Variants in RNF150 observed in about 807,000 individuals in gnomAD.
RNF150 encodes the protein ring finger protein 150.
RNF150 carries 24 observed loss-of-function variants against 39.3 expected under a neutral mutation model. The observed-to-expected ratio is 0.61, with a 90% CI of 0.44 to 0.86. The LOEUF (loss-of-function observed/expected upper bound fraction) is 0.86, where lower values mean the gene tolerates loss of function less well. RNF150 is among the 40% of genes least tolerant of loss of function. RNF150 has a pLI of 0.00. For synonymous variants in RNF150, 255 were observed against 227.3 expected, an observed-to-expected ratio of 1.12 and a Z score of -1.10; for missense variants, 502 against 587.8, an observed-to-expected ratio of 0.85 and a Z score of 1.51.
At chr4:140,893,507 G>A (rs923660276) in intron 6 of RNF150, among the ~76,000 whole-genome samples, 3 of 152,158 alleles carry the variant, frequency 2.0e-5, no homozygotes, top group East Asian at 3.8e-4. Context: ...ACTGAGCAGC[G>A]AGCTCAAGTG....
intron 1 of RNF150, among the ~76,000 whole-genome samples, chr4:141,089,582 C>A (rs1037398900): frequency 6.6e-6 from 1 of 152,190 alleles, no homozygotes; most frequent in African/African-American, 2.4e-5. Context: ...TAACTCACTG[C>A]ATTTCTGACC....
intron 1 of RNF150, among the ~76,000 whole-genome samples, chr4:141,142,151 G>T (rs576671474): frequency 6.6e-6 from 1 of 152,114 alleles, no homozygotes; most frequent in East Asian, 1.9e-4. Context: ...TCTTAGCTAT[G>T]ATATCACACC....
chr4:141,055,827 C>T (rs1019563003), intron 1 of RNF150, among the ~76,000 whole-genome samples: 19 of 152,110 alleles, frequency 1.2e-4, no homozygotes, highest in Non-Finnish European at 2.9e-5. Flanking sequence ...AAAGAAAATC[C>T]AGCTATACAG....
intron 1 of RNF150, among the ~76,000 whole-genome samples, chr4:140,972,404 A>T (rs1733500699): frequency 6.6e-6 from 1 of 152,210 alleles, no homozygotes; most frequent in African/African-American, 2.4e-5. Flanking sequence ...AGTGGGATTT[A>T]TCCTAGGAAT....
intron 1 of RNF150, among the ~76,000 whole-genome samples, chr4:141,048,410 G>T (rs1736659955): frequency 6.6e-6 from 1 of 152,162 alleles, no homozygotes; most frequent in Non-Finnish European, 1.5e-5. Context: ...GATCCATCTT[G>T]GCATGCAGCC....
At chr4:140,898,541 T>G (rs1730046897) in intron 6 of RNF150, among the ~76,000 whole-genome samples, 1 of 152,254 alleles carries the variant, frequency 6.6e-6, no homozygotes, top group Non-Finnish European at 1.5e-5. Context: ...ATGATATGCA[T>G]ATATGAACAT....
At chr4:141,130,956 C>T (rs144210975) in intron 1 of RNF150, among the ~76,000 whole-genome samples, 70 of 152,248 alleles carry the variant, frequency 4.6e-4, no homozygotes, top group African/African-American at 1.6e-3. Flanking sequence ...AAGTAATTGC[C>T]TCTCCTCCTC....
chr4:140,991,694 T>C (rs569781319), intron 1 of RNF150, among the ~76,000 whole-genome samples: 1 of 152,306 alleles, frequency 6.6e-6, no homozygotes, highest in Non-Finnish European at 1.5e-5. Context: ...TTTGGGTTGC[T>C]GAGCAACTGA....
intron 1 of RNF150, among the ~76,000 whole-genome samples, chr4:141,142,714 A>T (rs1727141044): frequency 6.6e-6 from 1 of 152,090 alleles, no homozygotes; most frequent in African/African-American, 2.4e-5. Context: ...CTCCTGTCTG[A>T]CACACTCTGC....
chr4:140,919,626 G>C (rs950112995), intron 5 of RNF150, among the ~76,000 whole-genome samples: 2 of 150,220 alleles, frequency 1.3e-5, no homozygotes, highest in Non-Finnish European at 3.0e-5. Flanking sequence ...GTAATTTATA[G>C]ATTCAATGCC....
chr4:140,983,898 C>A (rs1733940323), intron 1 of RNF150, among the ~76,000 whole-genome samples: 1 of 151,986 alleles, frequency 6.6e-6, no homozygotes. Context: ...TGCCACCATG[C>A]CCAGCTAATT....
chr4:141,048,449 G>C (rs1022516145), intron 1 of RNF150, among the ~76,000 whole-genome samples: 1 of 152,232 alleles, frequency 6.6e-6, no homozygotes, highest in African/African-American at 2.4e-5. Context: ...CTGTATGTGA[G>C]CCTGGGTGCA....
Position 140,890,288 on chromosome 4 carries a change from CTTG to C in RNF150, c.1198+20853_1198+20855del, listed in dbSNP as rs148503264. Among the ~76,000 whole-genome samples the C allele has an allele frequency of 2.2e-4, 33 of 152,198 alleles. No individual in the cohort carries two copies. In the East Asian group the frequency reaches 6.2e-3, roughly 28 times the overall value. Reference sequence around the variant, plus strand: ...GATTTAATTCGTTATGTATTTAATTCTTGTTAACTGCTACAAAAAAAACTAGTC... The same window carrying C: ...GATTTAATTCGTTATGTATTTAATTCTTAACTGCTACAAAAAAAACTAGTC... On this transcript the variant is annotated intron_variant, in intron 6 of 6. Transcript: ENST00000515673.
At chr4:140,880,547 C>CTT (rs879657754) in intron 6 of RNF150, among the ~76,000 whole-genome samples, 1 of 136,898 alleles carries the variant, frequency 7.3e-6, no homozygotes, top group African/African-American at 2.6e-5. Flanking sequence ...CCTCTCCAGT[C>CTT]TTTTTTTTTT....
At chr4:141,080,064 A>T (rs1224446592) in intron 1 of RNF150, among the ~76,000 whole-genome samples, 5 of 152,192 alleles carry the variant, frequency 3.3e-5, no homozygotes, top group Non-Finnish European at 5.9e-5. Flanking sequence ...GGAAAAAAAA[A>T]ATCCTAATTC....
intron 1 of RNF150, among the ~76,000 whole-genome samples, chr4:141,201,992 T>C (rs1728299512): frequency 6.6e-6 from 1 of 152,132 alleles, no homozygotes; most frequent in Non-Finnish European, 1.5e-5. Flanking sequence ...TTGCTTGCCC[T>C]TTCAGCCATG....
chr4:141,116,992 G>T (rs369356935), intron 1 of RNF150, among the ~76,000 whole-genome samples: 65 of 152,158 alleles, frequency 4.3e-4, no homozygotes, highest in Admixed American at 3.1e-3. Flanking sequence ...AGCCTGTCAG[G>T]GGGTGGGGGG....
intron 1 of RNF150, among the ~76,000 whole-genome samples, chr4:141,100,969 T>C (rs1333654556): frequency 6.6e-6 from 1 of 152,202 alleles, no homozygotes; most frequent in African/African-American, 2.4e-5. Flanking sequence ...GCACTAATCA[T>C]GAATGGCGCT....
chr4:140,940,017 A>G (rs886599650), intron 4 of RNF150, among the ~76,000 whole-genome samples: 5 of 152,152 alleles, frequency 3.3e-5, no homozygotes, highest in Non-Finnish European at 4.4e-5. Context: ...GATCCCTCTT[A>G]ACCATGCTGC....
Sources: gnomAD v4.1 joint callset for allele counts (sites outside exome capture counted in the v4.1 genomes callset) on GRCh38, gnomAD v4.1.1 for gene constraint, MANE v1.5 for transcripts, NCBI Gene and HGNC (gene_info 2026-07-23, HGNC 2026-07-21) for gene names.